TENM3: variants seen among roughly 807,000 people sequenced by gnomAD.
TENM3 encodes the protein teneurin transmembrane protein 3.
Under a neutral mutation model 255.1 loss-of-function variants are expected in TENM3, and 63 were observed. The ratio of observed to expected loss-of-function variants is 0.25; its 90% CI spans 0.20 to 0.30. TENM3 has a LOEUF of 0.30. Among genes scored for constraint, TENM3 ranks in the 10% least tolerant of loss-of-function variants. TENM3 has a pLI of 1.00. For missense variants in TENM3, 2,929 were observed against 3,461.1 expected (o/e 0.85, Z 3.86); for synonymous variants, 1,306 against 1,322.3 (o/e 0.99, Z 0.27).
At chr4:182,095,228 A>G in the TENM3 span, among the ~76,000 whole-genome samples, 1 of 152,246 alleles carries the variant, frequency 6.6e-6, no homozygotes, top group Non-Finnish European at 1.5e-5. Context: ...CTGCACTCCC[A>G]TGTTTAATGC....
In TENM3 at chr4:182,730,991, A is replaced by G. The variant is rs1462903764; in HGVS notation, c.2819A>G (p.Asp940Gly). Residue 940 changes from aspartate to glycine, a missense_variant, in exon 16 of 28, where the codon GAT becomes GGT. By Grantham distance (94) the Asp-to-Gly change is moderately conservative. This residue lies in a region of TENM3 where 1,608 missense variants were observed against 1,884.4 expected (regional missense o/e 0.85). Coordinates refer to ENST00000511685, the MANE Select transcript of TENM3 (RefSeq NM_001080477.4). ...WIPWNVFYVMDTLVMKKEEND... is the reference protein window; with the variant it reads ...WIPWNVFYVMGTLVMKKEEND... ...CCATGGAATGTCTTTTATGTGATGG[A>G]TACCCTAGTCATGAAGAAAGAAGAG... 1.2e-6 allele frequency: 2 copies of G among 1,613,906 alleles called. No homozygotes were observed. The highest frequency in any genetic ancestry group is 1.7e-6 in the Non-Finnish European group (2 of 1,179,874).
At chr4:181,736,979 A>G in the TENM3 span, among the ~76,000 whole-genome samples, 1 of 152,142 alleles carries the variant, frequency 6.6e-6, no homozygotes, top group Non-Finnish European at 1.5e-5. Context: ...GTCTTGGACC[A>G]AGTCGAGTAT....
At chr4:182,187,580 G>T (rs1342433044) in intron 1 of TENM3, among the ~76,000 whole-genome samples, 1 of 151,986 alleles carries the variant, frequency 6.6e-6, no homozygotes, top group Admixed American at 6.6e-5. Flanking sequence ...GCTCAGAAAT[G>T]GGCATGCTCA....
chr4:182,389,823 C>T (rs1376260672), intron 3 of TENM3, among the ~76,000 whole-genome samples: 1 of 151,768 alleles, frequency 6.6e-6, no homozygotes, highest in Non-Finnish European at 1.5e-5. Context: ...GTAGCTGGGA[C>T]TACAGGCGCC....
intron 3 of TENM3, among the ~76,000 whole-genome samples, chr4:182,417,728 G>A (rs1770496318): frequency 6.6e-6 from 1 of 152,112 alleles, no homozygotes; most frequent in Non-Finnish European, 1.5e-5. Flanking sequence ...CTAAATGATA[G>A]TTACATTGTT....
chr4:182,635,031 C>T (rs962492146), intron 5 of TENM3, among the ~76,000 whole-genome samples: 5 of 152,222 alleles, frequency 3.3e-5, no homozygotes, highest in African/African-American at 1.2e-4. Flanking sequence ...CTTCAAATAA[C>T]ACCGTTATAG....
intron 1 of TENM3, among the ~76,000 whole-genome samples, chr4:182,252,377 A>T (rs1423514927): frequency 6.6e-6 from 1 of 152,150 alleles, no homozygotes; most frequent in Admixed American, 6.5e-5. Flanking sequence ...GAGAGTAGAA[A>T]TTGCTTTCAT....
chr4:181,905,564 A>C, the TENM3 span, among the ~76,000 whole-genome samples: 1 of 150,914 alleles, frequency 6.6e-6, no homozygotes. Context: ...GCTTTTTTGA[A>C]GATGTTTTCT....
chr4:182,560,380 G>T (rs916557744), intron 3 of TENM3, among the ~76,000 whole-genome samples: 4 of 152,098 alleles, frequency 2.6e-5, no homozygotes, highest in Non-Finnish European at 2.9e-5. Context: ...TTCCCAAGGT[G>T]ATTCAGCCAT....
chr4:181,805,773 G>A, the TENM3 span, among the ~76,000 whole-genome samples: 1 of 152,118 alleles, frequency 6.6e-6, no homozygotes, highest in South Asian at 2.1e-4. Flanking sequence ...GCAATAAAGA[G>A]TTAGAAATTT....
intron 3 of TENM3, among the ~76,000 whole-genome samples, chr4:182,489,490 G>A (rs558686957): frequency 6.6e-6 from 1 of 151,822 alleles, no homozygotes. Flanking sequence ...ATAGGACGGG[G>A]GTAAACATGC....
chr4:181,605,596 A>AGAGAAAG, the TENM3 span, among the ~76,000 whole-genome samples: 1 of 131,196 alleles, frequency 7.6e-6, no homozygotes, highest in Non-Finnish European at 1.7e-5. Context: ...AAAGAAAGAA[A>AGAGAAAG]GAAAGAAAGA....
the TENM3 span, among the ~76,000 whole-genome samples, chr4:181,791,034 C>T: frequency 6.6e-6 from 1 of 152,170 alleles, no homozygotes; most frequent in East Asian, 1.9e-4. Context: ...TTTCATGGGG[C>T]ATGTACAGAA....
In TENM3 at chr4:182,777,706, C is replaced by T. The variant is rs374790769; in HGVS notation, c.5304+2553C>T. ...CCAAGTAGCTAGGACTACAGACACA[C>T]GCCACCATGCCCGGCTAATTTTTGT... On this transcript the variant is annotated intron_variant, in intron 24 of 27. Transcript: ENST00000511685. Among the ~76,000 whole-genome samples, 38 of 150,118 alleles carry T rather than the reference C, an allele frequency of 2.5e-4. 1 individual carries two copies. The highest frequency in any genetic ancestry group is 6.3e-4 in the African/African-American group (26 of 41,074).
chr4:182,400,865 C>A (rs1416152005), intron 3 of TENM3, among the ~76,000 whole-genome samples: 1 of 152,110 alleles, frequency 6.6e-6, no homozygotes, highest in Non-Finnish European at 1.5e-5. Flanking sequence ...CCTGTTATTT[C>A]TATTTATCAG....
At chr4:182,679,562 A>C in intron 7 of TENM3, 104 bp from the exon 8 acceptor site, 1 of 915,890 alleles carries the variant, frequency 1.1e-6, no homozygotes. Flanking sequence ...TCTTTCTAAC[A>C]TTGTATTTGT....
At chr4:182,700,242 C>T (rs1047979880) in intron 12 of TENM3, among the ~76,000 whole-genome samples, 2 of 152,110 alleles carry the variant, frequency 1.3e-5, no homozygotes, top group African/African-American at 2.4e-5. Flanking sequence ...ACTTTTCATT[C>T]AGTTTAATGT....
intron 3 of TENM3, among the ~76,000 whole-genome samples, chr4:182,456,696 T>C (rs569572229): frequency 2.0e-5 from 3 of 152,318 alleles, no homozygotes; most frequent in East Asian, 1.9e-4. Context: ...AGATAATCTT[T>C]AAGATGATAA....
intron 3 of TENM3, among the ~76,000 whole-genome samples, chr4:182,449,937 G>A (rs528979411): frequency 2.1e-4 from 32 of 152,308 alleles, no homozygotes; most frequent in Non-Finnish European, 4.7e-4. Flanking sequence ...TGGCAGCTGT[G>A]GGAATGAGAA....
Sources: allele counts gnomAD v4.1 joint callset (sites outside exome capture counted in the v4.1 genomes callset), GRCh38; gene constraint gnomAD v4.1.1; regional missense constraint gnomAD v4.1.1; transcripts MANE v1.5; gene names NCBI Gene and HGNC (gene_info 2026-07-23, HGNC 2026-07-21).